The following USF3 variants were observed in gnomAD, a reference collection of about 807,000 sequenced individuals.
USF3 encodes basic helix-loop-helix domain-containing protein USF3.
A neutral mutation model predicts 157.5 loss-of-function variants in USF3; 29 were observed. The observed-to-expected ratio is 0.18, with a 90% CI of 0.14 to 0.25. USF3 has a LOEUF of 0.25. Ranked by LOEUF, USF3 falls within the 10% of genes least tolerant of loss-of-function variation. USF3 has a pLI of 1.00. For missense variants in USF3, 2,381 were observed against 2,667.6 expected, an observed-to-expected ratio of 0.89 and a Z score of 2.37; for synonymous variants, 893 against 941.4, an observed-to-expected ratio of 0.95 and a Z score of 0.94.
chr3:113,668,876 G>A (rs572700705), intron 5 of USF3, among the ~76,000 whole-genome samples: 16 of 152,120 alleles, frequency 1.1e-4, no homozygotes, highest in Non-Finnish European at 2.2e-4. Flanking sequence ...GAGGTCAACT[G>A]GTTGAGAATG....
chr3:113,654,882 A>C lies in USF3; in HGVS notation c.*62T>G. Reference sequence around the variant, plus strand: ...CTTCTCTTCATGTACATGTCTGTGCACATGCACGCACAAATACATTTGTAA... The same window carrying C: ...CTTCTCTTCATGTACATGTCTGTGCCCATGCACGCACAAATACATTTGTAA... On this transcript the variant is annotated 3_prime_UTR_variant, in exon 7 of 7. Coordinates refer to ENST00000316407, the MANE Select transcript of USF3 (RefSeq NM_001009899.4). 6.6e-7 allele frequency: 1 copy of C among 1,516,624 alleles called. No homozygotes were observed. Among genetic ancestry groups the C allele is most frequent in the Non-Finnish European group, 8.9e-7 (1 of 1,117,690 alleles). The allele number at this position is 1,516,624 out of a possible 1,614,324, so 93.9% of individuals were successfully genotyped here.
Position 113,656,263 on chromosome 3 carries a change from G to A in USF3, c.5419C>T (p.Pro1807Ser), listed in dbSNP as rs760448023. The change falls in exon 7 of 7, where the codon CCA becomes TCA. Residue 1807 changes from proline (P) to serine (S), a missense_variant. By Grantham distance (74) the Pro-to-Ser change is moderately conservative. This residue lies in a region of USF3 where 770 missense variants were observed against 824.2 expected (regional missense o/e 0.93). Coordinates refer to ENST00000316407, the MANE Select transcript of USF3 (RefSeq NM_001009899.4). The stretch of plus-strand genomic sequence containing the variant: ...CAAGTATTTTCACTGTCCCTTGATG[G>A]AATACCATTTCCTGTTGGGATGCTC... ...VQSIPTGNGI[P>S]SRDSENTCHQ... is the part of the protein sequence containing the mutation. The A allele has an allele frequency of 2.0e-5, 33 of 1,614,030 alleles. No individual in the cohort carries two copies. The highest frequency in any genetic ancestry group is 3.3e-4 in the Middle Eastern group (2 of 6,084).
chr3:113,654,170 C>A lies in USF3; in HGVS notation c.*774G>T, dbSNP rs1947314313. On this transcript the variant is annotated 3_prime_UTR_variant, in exon 7 of 7. Transcript: ENST00000316407. ...CAACTAACTGCTTTTACCCTTATGA[C>A]CCGATGCAAAATGCAAGCACAAAAC... is the stretch of plus-strand genomic sequence containing the variant. The A allele has an allele frequency of 6.6e-6, 1 of 152,634 alleles. No individual in the cohort carries two copies. The highest frequency in any genetic ancestry group is 2.4e-5 in the African/African-American group (1 of 41,442). 9.5% of individuals were successfully genotyped at this position (152,634 alleles called of 1,614,324 possible).
chr3:113,665,982 C>T (rs888242208), intron 5 of USF3, among the ~76,000 whole-genome samples: 4 of 151,884 alleles, frequency 2.6e-5, no homozygotes, highest in African/African-American at 4.8e-5. Context: ...GTCAGGAGTT[C>T]GAAACCAGCC....
rs74980526 is a variant in USF3, at chr3:113,655,562, G to T, written c.6120C>A (p.Phe2040Leu). The change falls in exon 7 of 7, where the codon TTC (phenylalanine) becomes TTA (leucine). Residue 2040 changes from phenylalanine to leucine, a missense_variant. By Grantham distance (22) the Phe-to-Leu change is conservative (BLOSUM62 0). Transcript: ENST00000316407. ...ATEKRGSIVR[F>L]MPDSPQVPND... ...TAGGTACTTGTGGGCTATCAGGCAT[G>T]AAACGAACAATACTTCCTCTCTTCT... The T allele has an allele frequency of 4.3e-6, 7 of 1,614,188 alleles. No homozygotes were observed. Among genetic ancestry groups the T allele is most frequent in the Non-Finnish European group, 5.1e-6 (6 of 1,180,022 alleles).
At position 113,649,854 on chromosome 3, in the gene USF3, C is replaced by G. The variant is rs775100737; in HGVS notation, c.*5090G>C. On this transcript the variant is annotated 3_prime_UTR_variant, in exon 7 of 7. Transcript: ENST00000316407. Reference sequence around the variant, plus strand: ...CTCCACAGGTTCTAGTAGAAACCTACGCATGAAGAATAGAATGCAGACAGA... The same window carrying G: ...CTCCACAGGTTCTAGTAGAAACCTAGGCATGAAGAATAGAATGCAGACAGA... 1 of 702,784 alleles carries G rather than the reference C, an allele frequency of 1.4e-6. No individual in the cohort carries two copies. The highest frequency in any genetic ancestry group is 2.0e-5 in the Admixed American group (1 of 49,998). The allele number at this position is 702,784 out of a possible 1,614,324, so 43.5% of individuals were successfully genotyped here. A position where few individuals can be genotyped will look rare whatever the true frequency, so the allele number is the denominator to read the frequency against.
At chr3:113,690,435 A>C (rs1707658439) in intron 1 of USF3, among the ~76,000 whole-genome samples, 1 of 152,128 alleles carries the variant, frequency 6.6e-6, no homozygotes, top group East Asian at 1.9e-4. Context: ...TATTTCCCAC[A>C]ATCAACTGCA....
At chr3:113,682,905 T>C (rs116581498) in intron 1 of USF3, among the ~76,000 whole-genome samples, 3 of 151,852 alleles carry the variant, frequency 2.0e-5, no homozygotes, top group African/African-American at 7.2e-5. Context: ...TTTTTTTTTT[T>C]TTTCCTTTTT....
intron 5 of USF3, among the ~76,000 whole-genome samples, chr3:113,668,537 T>G (rs796204362): frequency 5.3e-5 from 8 of 151,452 alleles, no homozygotes; most frequent in African/African-American, 1.9e-4. Context: ...TAGCTTCTAA[T>G]CATGCAACAC....
At chr3:113,682,300 G>A (rs1442155333) in intron 1 of USF3, among the ~76,000 whole-genome samples, 1 of 152,034 alleles carries the variant, frequency 6.6e-6, no homozygotes, top group African/African-American at 2.4e-5. Flanking sequence ...ACTTCAGCTT[G>A]GGAGACAGAG....
At position 113,688,887 on chromosome 3, in the gene USF3, T is replaced by C. The variant is rs183344250; in HGVS notation, c.-135+7483A>G. Among the ~76,000 whole-genome samples, 701 of 152,056 alleles carry C rather than the reference T, an allele frequency of 4.6e-3. 12 individuals are homozygous for C. The highest frequency in any genetic ancestry group is 0.031 in the Admixed American group (478 of 15,258). On this transcript the variant is annotated intron_variant, in intron 1 of 6. Transcript: ENST00000316407. ...AACCCCGTCTCTACTGAAAATTAGCTGGGCGTGGTGGCGGGAGCCTGTAGT... is the reference window on the plus strand; with the variant it reads ...AACCCCGTCTCTACTGAAAATTAGCCGGGCGTGGTGGCGGGAGCCTGTAGT...
At position 113,657,043 on chromosome 3, in the gene USF3, G is replaced by C; in HGVS notation, c.4639C>G (p.Gln1547Glu). Residue 1547 changes from glutamine to glutamate, a missense_variant, in exon 7 of 7, where the codon CAA becomes GAA. Coordinates refer to ENST00000316407, the MANE Select transcript of USF3 (RefSeq NM_001009899.4). ...GGCTGGCCAGTCTTGGATCGGGATT[G>C]GTCAGTTCCATGGTGCTTTGGTTGT... ...SLQPKHHGTD[Q>E]SRSKTGQPHP... 1 of 1,614,084 alleles carries C rather than the reference G, an allele frequency of 6.2e-7. No homozygotes were observed. The highest frequency in any genetic ancestry group is 8.5e-7 in the Non-Finnish European group (1 of 1,180,014).
rs544163487 is a variant in USF3 at position 113,682,479 on chromosome 3, T to C, written c.-134-5082A>G. On this transcript the variant is annotated intron_variant, in intron 1 of 6. Coordinates refer to ENST00000316407, the MANE Select transcript of USF3 (RefSeq NM_001009899.4). ...AAATATTCTGTAAATATCTCTTAAG[T>C]CCATTTGGTCAATAGTGCAAATAAG... Among the ~76,000 whole-genome samples the C allele has an allele frequency of 2.0e-5, 3 of 152,334 alleles. No homozygotes were observed. The South Asian group carries it at 6.2e-4, about 32-fold the overall frequency.
rs1174613664 is a variant in USF3, at chr3:113,677,414, T to C, written c.-134-17A>G. ...TTCTTCTTACTACACAAGAGAAAAA[T>C]CAATGAATGTTTATAGTTGCTAGGT... On this transcript the variant is annotated splice_polypyrimidine_tract_variant and intron_variant, in intron 1 of 6. Transcript: ENST00000316407. The C allele has an allele frequency of 6.6e-6, 1 of 152,046 alleles. No homozygotes were observed. The highest frequency in any genetic ancestry group is 1.5e-5 in the Non-Finnish European group (1 of 68,020). 9.4% of individuals were successfully genotyped at this position (152,046 alleles called of 1,614,324 possible). A position where few individuals can be genotyped will look rare whatever the true frequency, so the allele number is the denominator to read the frequency against.
At position 113,691,400 on chromosome 3, in the gene USF3, C is replaced by CT. The variant is rs556174343; in HGVS notation, c.-135+4969dup. 3.5e-3 allele frequency among the ~76,000 whole-genome samples: 539 copies of CT among 152,262 alleles called. 1 individual carries two copies. Among genetic ancestry groups the CT allele is most frequent in the Non-Finnish European group, 6.7e-3 (457 of 68,002 alleles). ...TACCTGACTTTTATTCCTAAAACTGCTTAAACCAAGCTCAACAAAAGACTT... is the reference window on the plus strand; with the variant it reads ...TACCTGACTTTTATTCCTAAAACTGCTTTAAACCAAGCTCAACAAAAGACTT... On this transcript the variant is annotated intron_variant, in intron 1 of 6. Transcript: ENST00000316407.
intron 1 of USF3, among the ~76,000 whole-genome samples, chr3:113,691,314 C>T (rs2107964886): frequency 6.6e-6 from 1 of 152,346 alleles, no homozygotes; most frequent in Non-Finnish European, 1.5e-5. Context: ...TCTTCTTGAA[C>T]AAGTTGTTTA....
rs531553193 is a variant in USF3, at chr3:113,652,318, A to G, written c.*2626T>C. The G allele has an allele frequency of 6.6e-6, 1 of 152,268 alleles. No homozygotes were observed. The highest frequency in any genetic ancestry group is 1.9e-4 in the East Asian group (1 of 5,190). 9.4% of individuals were successfully genotyped at this position (152,268 alleles called of 1,614,324 possible). A position where few individuals can be genotyped will look rare whatever the true frequency, so the allele number is the denominator to read the frequency against. On this transcript the variant is annotated 3_prime_UTR_variant, in exon 7 of 7. Coordinates refer to ENST00000316407, the MANE Select transcript of USF3 (RefSeq NM_001009899.4). ...GCTTAAAATTCAGTTAAGAGAATTAAAAAGCAAGTCATAAATGCCACATTT... is the reference window on the plus strand; with the variant it reads ...GCTTAAAATTCAGTTAAGAGAATTAGAAAGCAAGTCATAAATGCCACATTT...
At position 113,659,388 on chromosome 3, in the gene USF3, C is replaced by T. The variant is rs1211746985; in HGVS notation, c.2294G>A (p.Ser765Asn). ...TTAAPPVTTD[S>N]SATLASTYNL... ...ATAAGTACTAGCTAGTGTGGCTGAA[C>T]TATCTGTTGTCACAGGAGGTGCTGC... Residue 765 changes from serine to asparagine, a missense_variant, in exon 7 of 7, where the codon AGT (serine) becomes AAT (asparagine). This residue lies in a region of USF3 where 1,435 missense variants were observed against 1,550.9 expected (regional missense o/e 0.93). Coordinates refer to ENST00000316407, the MANE Select transcript of USF3 (RefSeq NM_001009899.4). 9.9e-6 allele frequency: 16 copies of T among 1,614,102 alleles called. No individual in the cohort carries two copies. The highest frequency in any genetic ancestry group is 1.3e-5 in the African/African-American group (1 of 74,936).
In USF3 at chr3:113,659,698, G is replaced by C. The variant is rs763985151; in HGVS notation, c.1984C>G (p.Gln662Glu). 12 of 1,614,254 alleles carry C rather than the reference G, an allele frequency of 7.4e-6. No homozygotes were observed. The South Asian group carries it at 1.3e-4, about 18-fold the overall frequency. Residue 662 changes from glutamine to glutamate, a missense_variant, in exon 7 of 7, where the codon CAA becomes GAA. Around this residue, in one of 6 missense-constraint regions of USF3, gnomAD observed 1,435 missense variants for 1,550.9 expected, o/e 0.93. Coordinates refer to ENST00000316407, the MANE Select transcript of USF3 (RefSeq NM_001009899.4). Reference protein sequence around the residue: ...FSVTMSNQQPQTISLNGQLFA... With the variant: ...FSVTMSNQQPETISLNGQLFA... ...AGCTGTCCATTTAAAGAAATGGTTT[G>C]AGGCTGTTGGTTTGACATGGTAACA...
Sources: allele counts gnomAD v4.1 joint callset (sites outside exome capture counted in the v4.1 genomes callset), GRCh38; gene constraint gnomAD v4.1.1; regional missense constraint gnomAD v4.1.1; transcripts MANE v1.5; gene names NCBI Gene and HGNC (gene_info 2026-07-23, HGNC 2026-07-21).